Variants in FAM171A1 observed in about 807,000 individuals in gnomAD.
FAM171A1 encodes protein FAM171A1.
FAM171A1 carries 23 observed loss-of-function variants against 74.9 expected under a neutral mutation model. That is an observed-to-expected ratio of 0.31 (90% CI 0.22 to 0.44). The LOEUF is 0.44. FAM171A1 is among the 20% of genes least tolerant of loss of function. The probability of loss-of-function intolerance (pLI) is 1.00; values close to 1 mark genes in which losing one functional copy is unlikely to be tolerated. For synonymous variants in FAM171A1, 527 were observed against 505.7 expected, an observed-to-expected ratio of 1.04 and a Z score of -0.57; for missense variants, 1,162 against 1,159.2, an observed-to-expected ratio of 1.00 and a Z score of -0.03.
intron 3 of FAM171A1, among the ~76,000 whole-genome samples, chr10:15,259,780 T>C (rs908752851): frequency 2.6e-5 from 4 of 151,758 alleles, no homozygotes; most frequent in African/African-American, 9.7e-5. Flanking sequence ...CCAGTTCTCA[T>C]CCTCTGGCCA....
At position 15,248,695 on chromosome 10, in the gene FAM171A1, T is replaced by A; in HGVS notation, c.698A>T (p.Gln233Leu). The stretch of plus-strand genomic sequence containing the variant: ...ATAGGCATTGTGCCTCAGGCTGCTC[T>A]GCGTGGCCAGGGGCACAGTGACATA... ...PIYVTVPLATQSSLRHNAYVA... is the reference protein window; with the variant it reads ...PIYVTVPLATLSSLRHNAYVA... Residue 233 changes from glutamine (Q) to leucine (L), a missense_variant, in exon 5 of 8, where the codon CAG becomes CTG. By Grantham distance (113) the Gln-to-Leu change is moderately radical. Coordinates refer to ENST00000378116, the MANE Select transcript of FAM171A1 (RefSeq NM_001010924.2). The A allele has an allele frequency of 6.2e-7, 1 of 1,613,294 alleles. No homozygotes were observed. Among genetic ancestry groups the A allele is most frequent in the Non-Finnish European group, 8.5e-7 (1 of 1,179,588 alleles).
At chr10:15,270,302 A>G (rs1408712359) in intron 3 of FAM171A1, among the ~76,000 whole-genome samples, 2 of 152,280 alleles carry the variant, frequency 1.3e-5, no homozygotes, top group Non-Finnish European at 2.9e-5. Context: ...TCTGAGATTG[A>G]ACTGCAAGGT....
intron 6 of FAM171A1, among the ~76,000 whole-genome samples, 165 bp from the exon 7 acceptor site, chr10:15,216,275 T>C (rs1369117128): frequency 6.6e-6 from 1 of 152,176 alleles, no homozygotes; most frequent in Non-Finnish European, 1.5e-5. Flanking sequence ...ACCACCAGCA[T>C]TGCATTAGTG....
intron 1 of FAM171A1, among the ~76,000 whole-genome samples, chr10:15,335,238 T>A (rs1015825677): frequency 2.0e-5 from 3 of 152,150 alleles, no homozygotes; most frequent in African/African-American, 4.8e-5. Context: ...AGTGAGACCC[T>A]GTCTCAAACA....
chr10:15,241,730 T>A (rs1469418927), intron 5 of FAM171A1: 5 of 152,212 alleles, frequency 3.3e-5, no homozygotes, highest in Non-Finnish European at 5.9e-5. Context: ...TTTTTTCATC[T>A]TCTTTCTCTT....
At chr10:15,237,792 C>T (rs1834312819) in intron 5 of FAM171A1, 1 of 149,892 alleles carries the variant, frequency 6.7e-6, no homozygotes, top group African/African-American at 2.5e-5. Context: ...TTTTCCCCTA[C>T]CGGTCTCATT....
intron 1 of FAM171A1, among the ~76,000 whole-genome samples, chr10:15,307,636 A>C (rs1835312333): frequency 8.4e-6 from 1 of 119,432 alleles, no homozygotes; most frequent in South Asian, 3.7e-4. Flanking sequence ...ACAAGAGTGA[A>C]ACTCCATTTC....
intron 3 of FAM171A1, among the ~76,000 whole-genome samples, chr10:15,272,038 T>C (rs1198429662): frequency 6.6e-6 from 1 of 152,146 alleles, no homozygotes; most frequent in Non-Finnish European, 1.5e-5. Context: ...CATAAGAATA[T>C]TAACCTTAAA....
intron 7 of FAM171A1, among the ~76,000 whole-genome samples, chr10:15,214,861 A>G (rs1833947868): frequency 6.6e-6 from 1 of 151,912 alleles, no homozygotes; most frequent in African/African-American, 2.4e-5. Flanking sequence ...CATGGGCTCA[A>G]GTGATCCTCC....
chr10:15,263,741 G>A lies in FAM171A1; in HGVS notation c.419-8862C>T, dbSNP rs74883327. On this transcript the variant is annotated intron_variant, in intron 3 of 7. Transcript: ENST00000378116. ...TATCAATCTATCTATCTATCTGTCT[G>A]TCTATCTATCTATCTATCTATCTAT... Among the ~76,000 whole-genome samples, 549 of 140,628 alleles carry A rather than the reference G, an allele frequency of 3.9e-3. 3 individuals carry two copies. The highest frequency in any genetic ancestry group is 7.4e-3 in the South Asian group (32 of 4,328). The allele number at this position is 140,628 out of a possible 152,430, so 92.3% of individuals were successfully genotyped here.
intron 1 of FAM171A1, among the ~76,000 whole-genome samples, chr10:15,360,328 A>G (rs1835979259): frequency 6.6e-6 from 1 of 152,216 alleles, no homozygotes; most frequent in African/African-American, 2.4e-5. Flanking sequence ...AAATGGTGAG[A>G]CAATAATGGG....
intron 4 of FAM171A1, among the ~76,000 whole-genome samples, chr10:15,250,703 T>C (rs1834496829): frequency 6.6e-6 from 1 of 152,168 alleles, no homozygotes; most frequent in African/African-American, 2.4e-5. Flanking sequence ...AAGGCTGCAG[T>C]GAGCTATGAT....
At chr10:15,265,242 C>T (rs867938422) in intron 3 of FAM171A1, among the ~76,000 whole-genome samples, 3 of 151,490 alleles carry the variant, frequency 2.0e-5, no homozygotes, top group Non-Finnish European at 2.9e-5. Context: ...CTCAAGTACT[C>T]GTGTGTGTGC....
At chr10:15,322,178 A>G (rs1835494796) in intron 1 of FAM171A1, among the ~76,000 whole-genome samples, 1 of 152,320 alleles carries the variant, frequency 6.6e-6, no homozygotes, top group Non-Finnish European at 1.5e-5. Context: ...GGTTGAAAAC[A>G]GCTTTCTGAA....
chr10:15,367,286 T>C (rs1406938680), intron 1 of FAM171A1, among the ~76,000 whole-genome samples: 3 of 152,258 alleles, frequency 2.0e-5, no homozygotes. Flanking sequence ...ATGCATGCAC[T>C]ATTTTCCTTC....
chr10:15,218,656 A>C lies in FAM171A1; in HGVS notation c.871+2288T>G, dbSNP rs143430660. The stretch of plus-strand genomic sequence containing the variant: ...GTCACCTACGCTGGAGTGCAGTGAC[A>C]TGATCATAGCTCACTGCAGCCTTGA... On this transcript the variant is annotated intron_variant, in intron 6 of 7. Coordinates refer to ENST00000378116, the MANE Select transcript of FAM171A1 (RefSeq NM_001010924.2). Among the ~76,000 whole-genome samples the C allele has an allele frequency of 7.4e-3, 1,127 of 152,204 alleles. 16 individuals carry two copies. The highest frequency in any genetic ancestry group is 0.025 in the African/African-American group (1,056 of 41,536).
chr10:15,337,649 C>T (rs1184918917), intron 1 of FAM171A1, among the ~76,000 whole-genome samples: 3 of 152,188 alleles, frequency 2.0e-5, no homozygotes, highest in Admixed American at 1.3e-4. Flanking sequence ...GCAATCCCAG[C>T]GCTTTAATAA....
rs1835686293 is a variant in FAM171A1, at chr10:15,335,202, C to T, written c.97+35754G>A. Among the ~76,000 whole-genome samples, 3 of 152,154 alleles carry T rather than the reference C, an allele frequency of 2.0e-5. No individual in the cohort carries two copies. In the South Asian group the frequency reaches 6.2e-4, roughly 31 times the overall value. On this transcript the variant is annotated intron_variant, in intron 1 of 7. Coordinates refer to ENST00000378116, the MANE Select transcript of FAM171A1 (RefSeq NM_001010924.2). ...GAATTTGCAGTGAGCAGAGATCATG[C>T]CACTGCATTCCAGCCTGGGCGACAG...
chr10:15,317,115 G>A (rs890913932), intron 1 of FAM171A1, among the ~76,000 whole-genome samples: 2 of 151,966 alleles, frequency 1.3e-5, no homozygotes, highest in African/African-American at 4.8e-5. Flanking sequence ...TCCCAGTCAC[G>A]GAAACAGGAC....
Sources: gnomAD v4.1 joint callset for allele counts (sites outside exome capture counted in the v4.1 genomes callset) on GRCh38, gnomAD v4.1.1 for gene constraint, MANE v1.5 for transcripts, NCBI Gene and HGNC (gene_info 2026-07-23, HGNC 2026-07-21) for gene names.